The following ALMS1 variants were observed in gnomAD, a reference collection of about 807,000 sequenced individuals.
ALMS1 encodes ALMS1 centrosome and basal body associated protein, also known as centrosome-associated protein ALMS1.
ALMS1 carries 271 observed loss-of-function variants against 352.2 expected under a neutral mutation model. The ratio of observed to expected loss-of-function variants is 0.77; its 90% CI spans 0.70 to 0.85. ALMS1 has a LOEUF of 0.85. Ranked by LOEUF, ALMS1 falls within the 40% of genes least tolerant of loss-of-function variation. The probability of loss-of-function intolerance (pLI) is 0.00; values close to 1 mark genes in which losing one functional copy is unlikely to be tolerated. For missense variants in ALMS1, 5,445 were observed against 4,870.7 expected, an observed-to-expected ratio of 1.12 and a Z score of -3.51; for synonymous variants, 1,865 against 1,761.2, an observed-to-expected ratio of 1.06 and a Z score of -1.48.
intron 7 of ALMS1, among the ~76,000 whole-genome samples, chr2:73,440,766 T>G (rs1391386261): frequency 1.3e-5 from 2 of 152,176 alleles, no homozygotes; most frequent in African/African-American, 4.8e-5. Context: ...TGGTTCTTAG[T>G]GGTAAAAATG....
Position 73,386,084 on chromosome 2 carries a change from G to A in ALMS1, c.216G>A (p.Glu72=), listed in dbSNP as rs1327331343. Residue 72 remains glutamate, a synonymous_variant, in exon 1 of 23, where the codon GAG becomes GAA. Coordinates refer to ENST00000613296, the MANE Select transcript of ALMS1 (RefSeq NM_001378454.1). ...ATCTGGAAAGTATAGACGACGAGGA[G>A]GACGAGGAGGCCAAGGCCTGGCTGC... ...PQHLESIDDE[E]DEEAKAWLQA... 6.3e-7 allele frequency: 1 copy of A among 1,596,688 alleles called. No individual in the cohort carries two copies. Among genetic ancestry groups the A allele is most frequent in the Admixed American group, 1.7e-5 (1 of 57,650 alleles).
intron 9 of ALMS1, among the ~76,000 whole-genome samples, chr2:73,477,195 G>A (rs761500333): frequency 5.3e-5 from 8 of 151,984 alleles, no homozygotes; most frequent in African/African-American, 1.2e-4. Context: ...ATGCAAATTC[G>A]TCTTTGCATA....
intron 16 of ALMS1, among the ~76,000 whole-genome samples, chr2:73,587,217 G>A (rs917340477): frequency 3.9e-5 from 6 of 152,010 alleles, no homozygotes; most frequent in East Asian, 1.9e-4. Context: ...TCATATCATC[G>A]GTGAACAGTG....
At chr2:73,551,542 T>C (rs1049259071) in intron 13 of ALMS1, among the ~76,000 whole-genome samples, 1 of 149,882 alleles carries the variant, frequency 6.7e-6, no homozygotes, top group African/African-American at 2.5e-5. Flanking sequence ...GTTCAAGCGA[T>C]TCTCCTGCCT....
intron 9 of ALMS1, among the ~76,000 whole-genome samples, chr2:73,461,656 C>G (rs1672205386): frequency 6.6e-6 from 1 of 152,118 alleles, no homozygotes; most frequent in African/African-American, 2.4e-5. Context: ...TCAAACTACT[C>G]CGAGCTACAG....
intron 4 of ALMS1, 57 bp downstream of exon 4, chr2:73,423,031 A>G (rs1671314657): frequency 4.1e-6 from 6 of 1,458,670 alleles, no homozygotes; most frequent in South Asian, 3.4e-5. Flanking sequence ...GTTTTTACTA[A>G]TATTAGTGAC....
rs777476179 is a variant in ALMS1, at chr2:73,448,258, TA to T, written c.1732del (p.Arg578GlyfsTer17). ...CAGTACTCTCTAGTTCCCACTCACA[TA>T]GGGGGAAGCCCAGCATTTTCTACCA... ...PTVLSSSHSH[R>X]GKPSIFYQQG... On this transcript the variant is annotated frameshift_variant, in exon 8 of 23. Transcript: ENST00000613296. LOFTEE classifies it high-confidence loss of function. 5.8e-5 allele frequency: 94 copies of T among 1,613,642 alleles called. No homozygotes were observed. Among genetic ancestry groups the T allele is most frequent in the Non-Finnish European group, 7.6e-5 (90 of 1,179,870 alleles).
chr2:73,388,358 G>A (rs1670579766), intron 1 of ALMS1, among the ~76,000 whole-genome samples: 1 of 152,188 alleles, frequency 6.6e-6, no homozygotes, highest in South Asian at 2.1e-4. Context: ...TGGGCTTCTA[G>A]TGAACCTCTC....
In ALMS1 at chr2:73,452,188, G is replaced by T; in HGVS notation, c.5661G>T (p.Gly1887=). 1.2e-6 allele frequency: 2 copies of T among 1,612,978 alleles called. No individual in the cohort carries two copies. Among genetic ancestry groups the T allele is most frequent in the Non-Finnish European group, 1.7e-6 (2 of 1,179,482 alleles). The change falls in exon 8 of 23, where the codon GGG becomes GGT. Residue 1887 remains glycine (G), a synonymous_variant. Transcript: ENST00000613296. ...GVPGPADQKT[G]IQIASSSSYS... is the part of the protein sequence containing the mutation. ...CTGGGCCTGCTGACCAGAAGACTGG[G>T]ATACAAATAGCATCCTCTAGTTCCT... is the stretch of plus-strand genomic sequence containing the variant.
rs1672951530 is a variant in ALMS1, at chr2:73,490,331, G to A, written c.8372G>A (p.Gly2791Asp). 1.2e-6 allele frequency: 2 copies of A among 1,612,248 alleles called. No individual in the cohort carries two copies. The highest frequency in any genetic ancestry group is 1.1e-5 in the South Asian group (1 of 90,796). Residue 2791 changes from glycine to aspartate, a missense_variant, in exon 10 of 23, where the codon GGT becomes GAT. By Grantham distance (94) the Gly-to-Asp change is moderately conservative. Transcript: ENST00000613296. ...QDKEVTILAE[G>D]RRQSQKLPVD... ...AAAGAAGTGACTATTTTAGCAGAAGGTAGAAGGCAAAGCCAAAAATTACCT... is the reference window on the plus strand; with the variant it reads ...AAAGAAGTGACTATTTTAGCAGAAGATAGAAGGCAAAGCCAAAAATTACCT...
At chr2:73,504,595 T>C (rs1162060447) in intron 10 of ALMS1, among the ~76,000 whole-genome samples, 1 of 152,226 alleles carries the variant, frequency 6.6e-6, no homozygotes, top group East Asian at 1.9e-4. Flanking sequence ...CCATTCAACT[T>C]GTGTGTATCA....
At chr2:73,465,263 C>G (rs1296351083) in intron 9 of ALMS1, among the ~76,000 whole-genome samples, 2 of 152,048 alleles carry the variant, frequency 1.3e-5, no homozygotes, top group African/African-American at 4.8e-5. Flanking sequence ...GTAACCAAAA[C>G]AGCATGGTAC....
chr2:73,474,164 A>G (rs1473582283), intron 9 of ALMS1, among the ~76,000 whole-genome samples: 3 of 152,000 alleles, frequency 2.0e-5, no homozygotes, highest in Non-Finnish European at 2.9e-5. Context: ...TCTGGTTTTG[A>G]AGTCATAAAA....
chr2:73,426,767 A>G (rs1657942459), intron 6 of ALMS1, among the ~76,000 whole-genome samples: 2 of 152,206 alleles, frequency 1.3e-5, no homozygotes, highest in South Asian at 4.1e-4. Flanking sequence ...AGCCTACTTT[A>G]CAACTACCAT....
chr2:73,575,706 A>G (rs545125479), intron 16 of ALMS1, among the ~76,000 whole-genome samples: 2 of 152,166 alleles, frequency 1.3e-5, no homozygotes, highest in South Asian at 2.1e-4. Context: ...GGGATTTTCT[A>G]TATATTCTGG....
At chr2:73,601,513 A>G in intron 19 of ALMS1, 77 bp downstream of exon 19, 1 of 1,569,186 alleles carries the variant, frequency 6.4e-7, no homozygotes, top group Non-Finnish European at 8.7e-7. Context: ...TGGCTCTGTG[A>G]CTTGGTGAGC....
At chr2:73,503,971 T>TA (rs1343245697) in intron 10 of ALMS1, among the ~76,000 whole-genome samples, 3 of 152,184 alleles carry the variant, frequency 2.0e-5, no homozygotes, top group Admixed American at 2.0e-4. Context: ...TCAGCAAACT[T>TA]ACTTATTAAT....
chr2:73,434,536 C>T (rs966183482), intron 7 of ALMS1, among the ~76,000 whole-genome samples: 8 of 152,096 alleles, frequency 5.3e-5, no homozygotes, highest in African/African-American at 1.9e-4. Flanking sequence ...ACAGTTTGTA[C>T]TTGAGAAGAA....
intron 10 of ALMS1, among the ~76,000 whole-genome samples, chr2:73,497,059 C>T (rs2103911089): frequency 6.6e-6 from 1 of 152,206 alleles, no homozygotes; most frequent in Non-Finnish European, 1.5e-5. Context: ...TCCTTTTGAT[C>T]AAGTCCAATT....
Sources: gnomAD v4.1 joint callset for allele counts (sites outside exome capture counted in the v4.1 genomes callset) on GRCh38, gnomAD v4.1.1 for gene constraint, MANE v1.5 for transcripts, NCBI Gene and HGNC (gene_info 2026-07-23, HGNC 2026-07-21) for gene names.